Variants in TPRG1 observed in about 807,000 individuals in gnomAD.
TPRG1 encodes the protein tumor protein p63 regulated 1.
TPRG1 carries 29 observed loss-of-function variants against 29.3 expected under a neutral mutation model. The ratio of observed to expected loss-of-function variants is 0.99; its 90% confidence interval spans 0.74 to 1.35. The LOEUF (loss-of-function observed/expected upper bound fraction) is 1.35. Ranked by LOEUF, TPRG1 falls within the 40% of genes most tolerant of loss-of-function variation. The probability of loss-of-function intolerance (pLI) is 0.00; values close to 1 mark genes in which losing one functional copy is unlikely to be tolerated. For missense variants in TPRG1, 327 were observed against 335.0 expected, an observed-to-expected ratio of 0.98 and a Z score of 0.19; for synonymous variants, 130 against 116.8, an observed-to-expected ratio of 1.11 and a Z score of -0.73.
At chr3:189,003,065 T>TA (rs1319651926) in intron 2 of TPRG1, among the ~76,000 whole-genome samples, 2 of 152,184 alleles carry the variant, frequency 1.3e-5, no homozygotes, top group African/African-American at 4.8e-5. Flanking sequence ...CTTAACCTGT[T>TA]AGGTGTATTA....
At chr3:189,245,213 C>T (rs533409858) in intron 4 of TPRG1, among the ~76,000 whole-genome samples, 16 of 152,198 alleles carry the variant, frequency 1.1e-4, no homozygotes, top group South Asian at 4.2e-4. Context: ...TGAGCCACTG[C>T]GCCCGGTTCA....
chr3:189,126,603 G>C lies in TPRG1; in HGVS notation c.-743-454G>C, dbSNP rs147444890. Among the ~76,000 whole-genome samples the C allele has an allele frequency of 8.3e-3, 1,260 of 152,266 alleles. 21 individuals are homozygous for C. The highest frequency in any genetic ancestry group is 0.028 in the African/African-American group (1,172 of 41,564). ...ATTAAGAGTGTGGTTTTTTGGGGCA[G>C]CAAAATGTGTCTGAATTCCATTTCC... On this transcript the variant is annotated intron_variant, in intron 1 of 6. Transcript: ENST00000412373.
intron 2 of TPRG1, among the ~76,000 whole-genome samples, chr3:189,210,050 G>A (rs1735020033): frequency 6.6e-6 from 1 of 152,046 alleles, no homozygotes; most frequent in Admixed American, 6.6e-5. Flanking sequence ...AAAAGATCCA[G>A]CTTTGCTAGC....
intron 4 of TPRG1, among the ~76,000 whole-genome samples, chr3:189,092,860 G>A (rs763596336): frequency 6.6e-5 from 10 of 152,222 alleles, no homozygotes; most frequent in East Asian, 1.9e-4. Flanking sequence ...TGCTACACAC[G>A]TATTAACTTG....
intron 4 of TPRG1, among the ~76,000 whole-genome samples, chr3:189,068,763 G>A (rs537055318): frequency 6.0e-5 from 9 of 148,900 alleles, no homozygotes; most frequent in Middle Eastern, 3.4e-3. Context: ...ATGATAGTGC[G>A]AAACTCTGTC....
At chr3:189,135,985 C>A (rs1304270053) in intron 3 of TPRG1, among the ~76,000 whole-genome samples, 1 of 152,102 alleles carries the variant, frequency 6.6e-6, no homozygotes, top group Non-Finnish European at 1.5e-5. Flanking sequence ...CTCAGAGGGC[C>A]GTGTACTTGA....
intron 4 of TPRG1, among the ~76,000 whole-genome samples, chr3:189,286,682 A>C (rs901365117): frequency 6.6e-6 from 1 of 152,142 alleles, no homozygotes; most frequent in Admixed American, 6.6e-5. Context: ...AGCCACATGC[A>C]TATGGAAACA....
At chr3:189,237,287 GCACA>G (rs1280926395) in intron 3 of TPRG1, among the ~76,000 whole-genome samples, 1 of 151,642 alleles carries the variant, frequency 6.6e-6, no homozygotes, top group South Asian at 2.1e-4. Flanking sequence ...ACACACACAT[GCACA>G]CACACGCACA....
Position 189,137,492 on chromosome 3 carries a change from A to G in TPRG1, c.-291+4795A>G, listed in dbSNP as rs539578598. 2.0e-5 allele frequency among the ~76,000 whole-genome samples: 3 copies of G among 152,336 alleles called. No individual in the cohort carries two copies. The South Asian group carries it at 6.2e-4, about 32-fold the overall frequency. ...GCAGCAGGGTGTCCTTAAGTTGTAC[A>G]GAGCAGTGTTTGATGTGAGCATCCA... On this transcript the variant is annotated intron_variant, in intron 3 of 6. Coordinates refer to the TPRG1 transcript ENST00000412373.
At chr3:189,140,913 G>C (rs774590502) in intron 3 of TPRG1, among the ~76,000 whole-genome samples, 1 of 152,016 alleles carries the variant, frequency 6.6e-6, no homozygotes, top group Admixed American at 6.6e-5. Flanking sequence ...GCTGAGTGCC[G>C]TGTTTGCAGC....
intron 3 of TPRG1, among the ~76,000 whole-genome samples, chr3:189,222,388 G>C (rs531737944): frequency 6.6e-6 from 1 of 152,192 alleles, no homozygotes; most frequent in South Asian, 2.1e-4. Context: ...AAATCATGAG[G>C]AACTGAATGA....
At chr3:189,123,374 G>A (rs1722058929) in intron 1 of TPRG1, among the ~76,000 whole-genome samples, 1 of 152,134 alleles carries the variant, frequency 6.6e-6, no homozygotes, top group Non-Finnish European at 1.5e-5. Context: ...TGATTCAGTG[G>A]GTAACATTTG....
At chr3:189,248,266 A>T (rs1246486698) in intron 4 of TPRG1, among the ~76,000 whole-genome samples, 1 of 151,760 alleles carries the variant, frequency 6.6e-6, no homozygotes, top group Non-Finnish European at 1.5e-5. Flanking sequence ...AGTTTTGTTC[A>T]GGTTTGTAAA....
chr3:189,092,842 G>A (rs1445406626), intron 4 of TPRG1, among the ~76,000 whole-genome samples: 1 of 152,130 alleles, frequency 6.6e-6, no homozygotes, highest in East Asian at 1.9e-4. Flanking sequence ...GCAAGGCCCT[G>A]TTCTAAGTGC....
At chr3:189,198,539 T>C (rs1732934641) in intron 1 of TPRG1, among the ~76,000 whole-genome samples, 1 of 152,248 alleles carries the variant, frequency 6.6e-6, no homozygotes, top group South Asian at 2.1e-4. Context: ...GAGCACTCGC[T>C]GTGTATGAGG....
chr3:189,022,771 CG>C (rs1299555624), intron 3 of TPRG1, among the ~76,000 whole-genome samples: 2 of 152,224 alleles, frequency 1.3e-5, no homozygotes, highest in African/African-American at 4.8e-5. Context: ...TGGAACTTCC[CG>C]GCTGCTTTGT....
chr3:189,174,958 A>G (rs185687169), intron 1 of TPRG1, among the ~76,000 whole-genome samples: 10 of 152,350 alleles, frequency 6.6e-5, no homozygotes, highest in Admixed American at 6.5e-4. Context: ...CTGAAATACT[A>G]GAGACTAGCT....
chr3:189,057,882 A>G (rs1450301311), intron 4 of TPRG1, among the ~76,000 whole-genome samples: 1 of 147,918 alleles, frequency 6.8e-6, no homozygotes, highest in Non-Finnish European at 1.5e-5. Context: ...GTGTATATAT[A>G]TATACGTATA....
upstream of TPRG1, among the ~76,000 whole-genome samples, chr3:189,169,250 C>A (rs113870591): frequency 6.6e-6 from 1 of 152,096 alleles, no homozygotes; most frequent in African/African-American, 2.4e-5. Context: ...CTGCAACCTC[C>A]GCCTCCTGGG....
Sources: allele counts gnomAD v4.1 joint callset (sites outside exome capture counted in the v4.1 genomes callset), GRCh38; gene constraint gnomAD v4.1.1; transcripts MANE v1.5; gene names NCBI Gene and HGNC (gene_info 2026-07-23, HGNC 2026-07-21).